The following ANK1 variants were observed in gnomAD, a reference collection of about 807,000 sequenced individuals.
ANK1 encodes ankyrin-1.
A neutral mutation model predicts 210.4 loss-of-function variants in ANK1; 51 were observed. That is an observed-to-expected ratio of 0.24 (90% CI 0.19 to 0.31). ANK1 has a LOEUF of 0.31. Among genes scored for constraint, ANK1 ranks in the 10% least tolerant of loss-of-function variants. The pLI is 1.00. For missense variants in ANK1, 2,051 were observed against 2,504.4 expected, an observed-to-expected ratio of 0.82 and a Z score of 3.86; for synonymous variants, 967 against 1,025.9, an observed-to-expected ratio of 0.94 and a Z score of 1.10.
chr8:41,850,931 G>A (rs531405738), intron 1 of ANK1, among the ~76,000 whole-genome samples: 12 of 152,336 alleles, frequency 7.9e-5, no homozygotes, highest in East Asian at 7.7e-4. Flanking sequence ...TAGGCTACCC[G>A]GCCTCTTTCT....
At chr8:41,812,634 A>G (rs778704276) in intron 1 of ANK1, among the ~76,000 whole-genome samples, 1 of 152,230 alleles carries the variant, frequency 6.6e-6, no homozygotes, top group Non-Finnish European at 1.5e-5. Flanking sequence ...TCTTAGAATA[A>G]CCAGCATGAA....
intron 1 of ANK1, among the ~76,000 whole-genome samples, chr8:41,839,256 G>A (rs1587342901): frequency 6.6e-6 from 1 of 152,176 alleles, no homozygotes; most frequent in East Asian, 1.9e-4. Context: ...CCTGTGCCAG[G>A]CATGATCTGA....
chr8:41,695,941 G>C (rs538974235), intron 26 of ANK1, among the ~76,000 whole-genome samples: 1 of 149,344 alleles, frequency 6.7e-6, no homozygotes, highest in African/African-American at 2.4e-5. Flanking sequence ...CAGGGGAAAC[G>C]GCCAGGGAGG....
At chr8:41,887,230 T>C (rs1818606317) in intron 1 of ANK1, among the ~76,000 whole-genome samples, 1 of 147,384 alleles carries the variant, frequency 6.8e-6, no homozygotes, top group South Asian at 2.1e-4. Context: ...CTTTCTTCTT[T>C]TCTTTCCTTT....
chr8:41,714,260 G>T lies in ANK1; in HGVS notation c.1702-6C>A. The T allele has an allele frequency of 6.4e-7, 1 of 1,554,956 alleles. No homozygotes were observed. Among genetic ancestry groups the T allele is most frequent in the African/African-American group, 1.4e-5 (1 of 74,056 alleles). On this transcript the variant is annotated splice_polypyrimidine_tract_variant and splice_region_variant and intron_variant, in intron 15 of 42. Transcript: ENST00000289734. ...TGCAGGGGGGTCAGGCCATTCTGCAGGGGACAAAGACAAAAGAGGCCGGCT... is the reference window on the plus strand; with the variant it reads ...TGCAGGGGGGTCAGGCCATTCTGCATGGGACAAAGACAAAAGAGGCCGGCT...
At chr8:41,761,983 GC>G (rs1840583944) in intron 1 of ANK1, among the ~76,000 whole-genome samples, 1 of 151,870 alleles carries the variant, frequency 6.6e-6, no homozygotes, top group African/African-American at 2.4e-5. Context: ...CTCCATCCCT[GC>G]CTAACTGGTC....
Position 41,763,983 on chromosome 8 carries a change from G to C in ANK1, c.28-5846C>G, listed in dbSNP as rs71521548. 6.3e-3 allele frequency among the ~76,000 whole-genome samples: 803 copies of C among 127,260 alleles called. 7 individuals are homozygous for C. Among genetic ancestry groups the C allele is most frequent in the Non-Finnish European group, 8.2e-3 (522 of 63,680 alleles). 83.5% of individuals were successfully genotyped at this position (127,260 alleles called of 152,430 possible). Reference sequence around the variant, plus strand: ...CAGGGCATCTGGGAGGTGAACTGCAGATAATGATGCCACTCCCAGTAGCAA... The same window carrying C: ...CAGGGCATCTGGGAGGTGAACTGCACATAATGATGCCACTCCCAGTAGCAA... On this transcript the variant is annotated intron_variant, in intron 1 of 42. Transcript: ENST00000289734.
intron 1 of ANK1, among the ~76,000 whole-genome samples, chr8:41,881,703 T>C (rs941046288): frequency 2.6e-5 from 4 of 152,206 alleles, no homozygotes; most frequent in African/African-American, 9.7e-5. Context: ...GCCAAGGATG[T>C]TAAAATCAGG....
chr8:41,848,021 C>T (rs1299681243), intron 1 of ANK1, among the ~76,000 whole-genome samples: 2 of 151,826 alleles, frequency 1.3e-5, no homozygotes, highest in Admixed American at 6.6e-5. Flanking sequence ...TCTGTTTCTA[C>T]TCAAAATACA....
At chr8:41,767,191 G>C (rs1842009833) in intron 1 of ANK1, among the ~76,000 whole-genome samples, 1 of 151,938 alleles carries the variant, frequency 6.6e-6, no homozygotes, top group Non-Finnish European at 1.5e-5. Context: ...GCCCCAGCGC[G>C]CGCACCCGCA....
In ANK1 at chr8:41,694,496, A is replaced by G. The variant is rs1820249220; in HGVS notation, c.3327+96T>C. ...CCACTGTGGCATTTCAAAGCACCAG[A>G]CAAAAGTGTGGGGATGTCCTGGGGA... On this transcript the variant is annotated intron_variant, in intron 28 of 42. Transcript: ENST00000289734. This position sits in a 1 kb window ranked among gnomAD's most constrained non-coding sequence, Gnocchi z 5.7. 8.0e-7 allele frequency: 1 copy of G among 1,254,212 alleles called. No homozygotes were observed. The highest frequency in any genetic ancestry group is 1.1e-6 in the Non-Finnish European group (1 of 883,852). The allele number at this position is 1,254,212 out of a possible 1,614,324, so 77.7% of individuals were successfully genotyped here. A position where few individuals can be genotyped will look rare whatever the true frequency, so the allele number is the denominator to read the frequency against.
chr8:41,885,541 G>A lies in ANK1; in HGVS notation c.126+10814C>T, dbSNP rs1196994054. ...TCGGCGGACAGGCCCTGGGTCCCTT[G>A]CATTGTGTGCTATCCCAAATCAGAG... On this transcript the variant is annotated intron_variant, in intron 1 of 42. Transcript: ENST00000265709. Among the ~76,000 whole-genome samples the A allele has an allele frequency of 2.0e-5, 3 of 152,220 alleles. No homozygotes were observed. The East Asian group carries it at 5.8e-4, about 29-fold the overall frequency.
At chr8:41,885,449 T>C (rs932447174) in intron 1 of ANK1, among the ~76,000 whole-genome samples, 4 of 152,224 alleles carry the variant, frequency 2.6e-5, no homozygotes, top group Admixed American at 1.3e-4. Flanking sequence ...CTAAAGCAGA[T>C]ACCATAGTTA....
At chr8:41,697,565 C>G (rs1053699168) in intron 24 of ANK1, among the ~76,000 whole-genome samples, 1 of 152,014 alleles carries the variant, frequency 6.6e-6, no homozygotes, top group Non-Finnish European at 1.5e-5. Flanking sequence ...AGCACTCCCC[C>G]GCTCTCCCTC....
At chr8:41,833,336 G>C (rs1032169223) in intron 1 of ANK1, among the ~76,000 whole-genome samples, 1 of 152,228 alleles carries the variant, frequency 6.6e-6, no homozygotes, top group Non-Finnish European at 1.5e-5. Context: ...GGTGATAGCA[G>C]GTGTCTGGGG....
intron 1 of ANK1, among the ~76,000 whole-genome samples, chr8:41,845,843 A>G (rs768801327): frequency 8.5e-5 from 13 of 152,072 alleles, no homozygotes; most frequent in Non-Finnish European, 1.9e-4. Context: ...TCAGCTTCCC[A>G]TGCGGAAAGT....
chr8:41,655,851 G>A (rs751399215), intron 42 of ANK1, 98 bp from the exon 43 acceptor site: 42 of 1,376,810 alleles, frequency 3.1e-5, no homozygotes, highest in Middle Eastern at 3.5e-4. Context: ...AGCTCAGGCC[G>A]AATCTGACTC....
chr8:41,876,501 T>A (rs895909083), intron 1 of ANK1, among the ~76,000 whole-genome samples: 1 of 152,236 alleles, frequency 6.6e-6, no homozygotes, highest in South Asian at 2.1e-4. Context: ...ATGACCTGTC[T>A]TACAGATAAG....
At chr8:41,677,219 T>C (rs747828285) in intron 37 of ANK1, among the ~76,000 whole-genome samples, 4 of 152,268 alleles carry the variant, frequency 2.6e-5, no homozygotes, top group South Asian at 2.1e-4. Flanking sequence ...CTGATATTGG[T>C]AATCTGCAGG....
Sources: allele counts gnomAD v4.1 joint callset (sites outside exome capture counted in the v4.1 genomes callset), GRCh38; gene constraint gnomAD v4.1.1; non-coding constraint Gnocchi (gnomAD v3.1); transcripts MANE v1.5; gene names NCBI Gene and HGNC (gene_info 2026-07-23, HGNC 2026-07-21).